The following TASOR variants were observed in gnomAD, a reference collection of about 807,000 sequenced individuals.
TASOR encodes the protein transcription activation suppressor.
In TASOR, 53 loss-of-function variants were observed where a neutral mutation model predicts 178.6. The ratio of observed to expected loss-of-function variants is 0.30; its 90% CI spans 0.24 to 0.37. The LOEUF (loss-of-function observed/expected upper bound fraction) is 0.37, where lower values mean the gene tolerates loss of function less well. Among genes scored for constraint, TASOR ranks in the 10% least tolerant of loss-of-function variants. TASOR has a pLI of 1.00. For synonymous variants in TASOR, 713 were observed against 696.2 expected, an observed-to-expected ratio of 1.02 and a Z score of -0.38; for missense variants, 1,815 against 1,971.4, an observed-to-expected ratio of 0.92 and a Z score of 1.50.
At chr3:56,674,623 A>G (rs2031109517) in intron 1 of TASOR, among the ~76,000 whole-genome samples, 2 of 152,240 alleles carry the variant, frequency 1.3e-5, no homozygotes, top group Non-Finnish European at 2.9e-5. Flanking sequence ...GTGGGGCTTT[A>G]GAGTCAAAGC....
chr3:56,626,656 T>C (rs1182823575), intron 21 of TASOR, among the ~76,000 whole-genome samples: 2 of 151,976 alleles, frequency 1.3e-5, no homozygotes, highest in East Asian at 1.9e-4. Context: ...GGTAGGAGAA[T>C]TGCTTGAACC....
rs758333742 is a variant in TASOR at position 56,633,181 on chromosome 3, C to A, written c.3610G>T (p.Ala1204Ser). Residue 1204 changes from alanine to serine, a missense_variant, in exon 18 of 24, where the codon GCT becomes TCT. By Grantham distance (99) the Ala-to-Ser change is moderately conservative. This residue lies in a region of TASOR where 655 missense variants were observed against 671.1 expected (regional missense o/e 0.98). Transcript: ENST00000683822. Reference sequence around the variant, plus strand: ...AACTGGCTTATAAAATTTGAAAGAGCTGGTTGAGCAGAAATGTTTACATCA... The same window carrying A: ...AACTGGCTTATAAAATTTGAAAGAGATGGTTGAGCAGAAATGTTTACATCA... ...PSDVNISAQPALSNFISQLEP... is the reference protein window; with the variant it reads ...PSDVNISAQPSLSNFISQLEP... 1.2e-6 allele frequency: 2 copies of A among 1,614,090 alleles called. No homozygotes were observed. Among genetic ancestry groups the A allele is most frequent in the Non-Finnish European group, 1.7e-6 (2 of 1,180,032 alleles).
intron 5 of TASOR, 77 bp downstream of exon 5, chr3:56,669,623 A>G: frequency 1.1e-6 from 1 of 906,074 alleles, no homozygotes; most frequent in Non-Finnish European, 1.7e-6. Flanking sequence ...ACAATCTCCT[A>G]AAAACAGCAT....
chr3:56,666,429 G>T, intron 6 of TASOR, 45 bp from the exon 7 acceptor site: 3 of 1,379,330 alleles, frequency 2.2e-6, no homozygotes, highest in Non-Finnish European at 9.5e-7. Flanking sequence ...AAAAGGCAAG[G>T]TGAAACCTTA....
At chr3:56,665,132 C>T (rs958888540) in intron 7 of TASOR, among the ~76,000 whole-genome samples, 2 of 152,230 alleles carry the variant, frequency 1.3e-5, no homozygotes, top group South Asian at 4.1e-4. Flanking sequence ...TTACTCACTA[C>T]AGCCTGGGCA....
rs532723598 is a variant in TASOR at position 56,668,512 on chromosome 3, T to C, written c.782A>G (p.Glu261Gly). The C allele has an allele frequency of 2.6e-6, 4 of 1,551,564 alleles. No individual in the cohort carries two copies. The East Asian group carries it at 9.8e-5, about 38-fold the overall frequency. ...CAAAGCACTCTTATTTAACATAGAT[T>C]CCAAACTTTTTACACCCATGGGGTC... The part of the protein sequence containing the change: ...IYDPMGVKSL[E>G]SMLNKSALDP... The change falls in exon 6 of 24, where the codon GAA becomes GGA. Residue 261 changes from glutamate (E) to glycine (G), a missense_variant. Physicochemically the swap from Glu to Gly is moderately conservative, Grantham distance 98 (BLOSUM62 -2). This residue lies in a region of TASOR where 504 missense variants were observed against 645.3 expected (regional missense o/e 0.78). Coordinates refer to ENST00000683822, the MANE Select transcript of TASOR (RefSeq NM_001365635.2).
At chr3:56,649,221 G>A (rs900429942) in intron 11 of TASOR, among the ~76,000 whole-genome samples, 164 bp from the exon 12 acceptor site, 4 of 152,156 alleles carry the variant, frequency 2.6e-5, no homozygotes, top group Non-Finnish European at 5.9e-5. Flanking sequence ...CAACTCTGCT[G>A]ATTAACAGGA....
intron 14 of TASOR, among the ~76,000 whole-genome samples, chr3:56,645,590 TA>T (rs796757117): frequency 6.6e-6 from 1 of 152,158 alleles, no homozygotes; most frequent in African/African-American, 2.4e-5. Context: ...AAAATCTAGA[TA>T]AAAGTGTTTT....
At chr3:56,637,448 G>T (rs1189871346) in intron 17 of TASOR, among the ~76,000 whole-genome samples, 1 of 152,108 alleles carries the variant, frequency 6.6e-6, no homozygotes, top group Non-Finnish European at 1.5e-5. Flanking sequence ...CTTAACCCAG[G>T]AGGCAGAGGT....
chr3:56,656,808 G>A (rs746851430), intron 11 of TASOR, among the ~76,000 whole-genome samples: 138 of 148,994 alleles, frequency 9.3e-4, no homozygotes, highest in Non-Finnish European at 1.5e-3. Flanking sequence ...TCAGGAGTTC[G>A]AGACCAGCCT....
intron 11 of TASOR, among the ~76,000 whole-genome samples, chr3:56,654,316 C>T (rs1471036632): frequency 7.1e-6 from 1 of 140,938 alleles, no homozygotes; most frequent in Non-Finnish European, 1.5e-5. Context: ...TCAGGTCAAT[C>T]TCATTCATCA....
At chr3:56,681,297 A>G (rs1013804919) in intron 1 of TASOR, among the ~76,000 whole-genome samples, 7 of 152,186 alleles carry the variant, frequency 4.6e-5, no homozygotes, top group Admixed American at 3.9e-4. Flanking sequence ...ATAATCATAC[A>G]TCTCAAATTT....
chr3:56,654,762 TC>T (rs1178545117), intron 11 of TASOR, among the ~76,000 whole-genome samples: 1 of 152,196 alleles, frequency 6.6e-6, no homozygotes, highest in African/African-American at 2.4e-5. Flanking sequence ...TGTCAACTGT[TC>T]CCTGCCTTCA....
chr3:56,669,921 C>T, intron 4 of TASOR, 130 bp from the exon 5 acceptor site: 2 of 883,006 alleles, frequency 2.3e-6, no homozygotes, highest in Non-Finnish European at 3.4e-6. Context: ...AAAGATAAAA[C>T]TGATCTTACA....
chr3:56,641,774 G>A, intron 14 of TASOR, 22 bp from the exon 15 acceptor site: 1 of 1,570,076 alleles, frequency 6.4e-7, no homozygotes, highest in Admixed American at 1.9e-5. Flanking sequence ...GAAGTCATTG[G>A]TTGAAGTTAA....
At position 56,663,907 on chromosome 3, in the gene TASOR, A is replaced by T. The variant is rs555079251; in HGVS notation, c.1023-335T>A. The T allele has an allele frequency of 6.3e-4, 604 of 959,484 alleles. 3 individuals are homozygous for T. The South Asian group carries it at 0.01, about 16-fold the overall frequency. 59.4% of individuals were successfully genotyped at this position (959,484 alleles called of 1,614,324 possible). ...GAAGACACAGCCTCAATATATAAAT[A>T]TATTAATTCATCATTCAGTAAATAC... On this transcript the variant is annotated intron_variant, in intron 7 of 23. Transcript: ENST00000683822.
At chr3:56,639,944 A>T (rs375362991) in intron 16 of TASOR, 42 bp downstream of exon 16, 1 of 1,561,962 alleles carries the variant, frequency 6.4e-7, no homozygotes, top group African/African-American at 1.4e-5. Context: ...CTGGTCTCTA[A>T]GTAAAATGAA....
intron 1 of TASOR, among the ~76,000 whole-genome samples, 160 bp from the exon 2 acceptor site, chr3:56,673,885 GA>G (rs11348731): frequency 0.33 from 48,005 of 144,726 alleles, 8,017 homozygotes; most frequent in East Asian, 0.5. Context: ...TTAACTCATT[GA>G]AAAAAAATGT....
chr3:56,636,041 T>C (rs2077008850), intron 17 of TASOR, among the ~76,000 whole-genome samples: 1 of 152,100 alleles, frequency 6.6e-6, no homozygotes, highest in Non-Finnish European at 1.5e-5. Flanking sequence ...CAGTGGCTCA[T>C]GCCTGTAATC....
Sources: allele counts gnomAD v4.1 joint callset (sites outside exome capture counted in the v4.1 genomes callset), GRCh38; gene constraint gnomAD v4.1.1; regional missense constraint gnomAD v4.1.1; transcripts MANE v1.5; gene names NCBI Gene and HGNC (gene_info 2026-07-23, HGNC 2026-07-21).